Variants in NAV1 observed in about 807,000 individuals in gnomAD.
The protein encoded by NAV1 is pore membrane and/or filament interacting like protein 3.
A neutral mutation model predicts 175.2 loss-of-function variants in NAV1; 18 were observed. The observed-to-expected ratio is 0.10, with a 90% CI of 0.07 to 0.15. NAV1 has a LOEUF of 0.15. NAV1 is among the 10% of genes least tolerant of loss of function. The pLI is 1.00. For synonymous variants in NAV1, 897 were observed against 978.7 expected (o/e 0.92, Z 1.56); for missense variants, 1,731 against 2,436.6 (o/e 0.71, Z 6.10).
intron 2 of NAV1, among the ~76,000 whole-genome samples, chr1:201,630,256 G>T (rs1465729984): frequency 6.6e-6 from 1 of 152,190 alleles, no homozygotes; most frequent in African/African-American, 2.4e-5. Context: ...TTCACACCAG[G>T]GGTACATGAG....
intron 1 of NAV1, among the ~76,000 whole-genome samples, chr1:201,663,816 G>T (rs527327): frequency 1.3e-5 from 2 of 152,066 alleles, no homozygotes; most frequent in Non-Finnish European, 2.9e-5. Context: ...CCATGGGGGA[G>T]ATGGGAAAAA....
At chr1:201,580,399 A>G (rs1049754607) in intron 1 of NAV1, among the ~76,000 whole-genome samples, 4 of 152,228 alleles carry the variant, frequency 2.6e-5, no homozygotes, top group African/African-American at 9.6e-5. Flanking sequence ...GCCCATAAAG[A>G]CAAATAAAAT....
intron 3 of NAV1, among the ~76,000 whole-genome samples, chr1:201,733,058 G>A (rs183716721): frequency 1.3e-5 from 2 of 151,422 alleles, no homozygotes; most frequent in African/African-American, 2.4e-5. Flanking sequence ...GCAACAGAGC[G>A]AGACTCTGTC....
intron 1 of NAV1, among the ~76,000 whole-genome samples, chr1:201,679,748 G>T (rs1454014689): frequency 6.6e-6 from 1 of 152,190 alleles, no homozygotes; most frequent in East Asian, 1.9e-4. Context: ...ACAGGTGTCT[G>T]GTTCCTGGCC....
intron 3 of NAV1, among the ~76,000 whole-genome samples, chr1:201,743,991 T>G (rs1673600742): frequency 6.6e-6 from 1 of 152,304 alleles, no homozygotes; most frequent in East Asian, 1.9e-4. Context: ...TTCAAGCGAT[T>G]CTCCTGCCTC....
At chr1:201,591,639 A>G (rs982065528) in intron 2 of NAV1, among the ~76,000 whole-genome samples, 22 of 152,328 alleles carry the variant, frequency 1.4e-4, no homozygotes, top group African/African-American at 5.3e-4. Context: ...CTCTCTGGGT[A>G]GGAGACCCAT....
chr1:201,581,498 G>A (rs1444939884), intron 1 of NAV1, among the ~76,000 whole-genome samples: 1 of 152,066 alleles, frequency 6.6e-6, no homozygotes, highest in African/African-American at 2.4e-5. Context: ...CCAGAGAGAG[G>A]CAGATTTGAG....
exon 14 of NAV1, chr1:201,793,846 C>A (rs1486310214): frequency 6.2e-7 from 1 of 1,609,558 alleles, no homozygotes; most frequent in Non-Finnish European, 8.5e-7. Flanking sequence ...ATCCCGCCTG[C>A]GACACCTGGC....
chr1:201,589,791 C>T (rs1667135973), intron 2 of NAV1, among the ~76,000 whole-genome samples: 1 of 152,182 alleles, frequency 6.6e-6, no homozygotes, highest in African/African-American at 2.4e-5. Flanking sequence ...CGTGCCCGGC[C>T]TGTTATTTGT....
At chr1:201,556,753 C>T (rs1011284289) in intron 1 of NAV1, among the ~76,000 whole-genome samples, 3 of 152,246 alleles carry the variant, frequency 2.0e-5, no homozygotes, top group Non-Finnish European at 4.4e-5. Context: ...TGCCACCAGT[C>T]CTTGGGGCCC....
intron 1 of NAV1, among the ~76,000 whole-genome samples, chr1:201,547,181 G>T (rs988405265): frequency 1.3e-5 from 2 of 151,988 alleles, no homozygotes; most frequent in African/African-American, 4.8e-5. Flanking sequence ...TAGAGACGGG[G>T]TTTCTCCATG....
chr1:201,746,966 T>C (rs1159467971), intron 3 of NAV1, among the ~76,000 whole-genome samples: 3 of 149,198 alleles, frequency 2.0e-5, no homozygotes, highest in Non-Finnish European at 4.4e-5. Context: ...GTCATGCCAA[T>C]GCACTCCAGC....
In NAV1 at chr1:201,825,152, G is replaced by A. The variant is rs1679602957; in HGVS notation, c.*5220G>A. ...TTGGGTGGAAGTTAGGAGAATGTTT[G>A]TGTCTTTCCTAGTTGAATACAACCT... On this transcript the variant is annotated 3_prime_UTR_variant, in exon 30 of 30. Transcript: ENST00000367296. 3 of 152,238 alleles carry A rather than the reference G, an allele frequency of 2.0e-5. 1 individual carries two copies. The South Asian group carries it at 6.2e-4, about 32-fold the overall frequency. The allele number at this position is 152,238 out of a possible 1,614,324, so 9.4% of individuals were successfully genotyped here.
In NAV1 at chr1:201,730,933, T is replaced by C. The variant is rs193045768; in HGVS notation, c.1226+12178T>C. Among the ~76,000 whole-genome samples the C allele has an allele frequency of 1.5e-3, 233 of 152,248 alleles. 3 individuals carry two copies. The highest frequency in any genetic ancestry group is 5.5e-3 in the African/African-American group (228 of 41,568). On this transcript the variant is annotated intron_variant, in intron 3 of 29. Coordinates refer to ENST00000367296, the Ensembl canonical transcript of NAV1. ...GCAGAGGGACTTACCTACGGAAGTG[T>C]TCAGGGTTGGGGGTCCAAAGATGCT... is the stretch of plus-strand genomic sequence containing the variant.
Position 201,629,331 on chromosome 1 carries a change from T to C in NAV1, c.-100-73T>C, listed in dbSNP as rs1668421921. Reference sequence around the variant, plus strand: ...GAAGAACCAAGTTCTAAGAGGGTTTTCTTAGCCCCATGGAGGGGCTTAGAG... The same window carrying C: ...GAAGAACCAAGTTCTAAGAGGGTTTCCTTAGCCCCATGGAGGGGCTTAGAG... On this transcript the variant is annotated intron_variant, in intron 1 of 29. Transcript: ENST00000367302. 4.6e-6 allele frequency: 5 copies of C among 1,093,808 alleles called. No individual in the cohort carries two copies. The Admixed American group carries it at 1.3e-4, about 29-fold the overall frequency. The allele number at this position is 1,093,808 out of a possible 1,614,324, so 67.8% of individuals were successfully genotyped here. A position where few individuals can be genotyped will look rare whatever the true frequency, so the allele number is the denominator to read the frequency against.
intron 3 of NAV1, among the ~76,000 whole-genome samples, chr1:201,741,094 G>A (rs1455804500): frequency 6.6e-6 from 1 of 152,062 alleles, no homozygotes; most frequent in Non-Finnish European, 1.5e-5. Context: ...ATGCTCCTGC[G>A]TCCTCATATT....
rs774046408 is a variant in NAV1 at position 201,807,766 on chromosome 1, C to T, written c.3649-187C>T. On this transcript the variant is annotated intron_variant, in intron 17 of 29. Transcript: ENST00000367296. The surrounding 1 kb of genome is among the most constrained non-coding windows in gnomAD (Gnocchi z 5.4). Reference sequence around the variant, plus strand: ...CAGCTCACTGCAACCTCTGCCTCCACGGTCCTAATTTCTAGGCAACTCTTC... The same window carrying T: ...CAGCTCACTGCAACCTCTGCCTCCATGGTCCTAATTTCTAGGCAACTCTTC... Among the ~76,000 whole-genome samples the T allele has an allele frequency of 2.6e-5, 4 of 152,054 alleles. No homozygotes were observed. The highest frequency in any genetic ancestry group is 2.0e-4 in the Admixed American group (3 of 15,252).
chr1:201,748,854 A>G (rs1673929890), intron 3 of NAV1, among the ~76,000 whole-genome samples: 1 of 152,152 alleles, frequency 6.6e-6, no homozygotes, highest in Non-Finnish European at 1.5e-5. Context: ...AAGTTGAACT[A>G]AGACTCTCTC....
rs1676432510 is a variant in NAV1, at chr1:201,782,965, A to G, written c.2357+96A>G. ...GGACTAGATGAGGCATGGCCTATCC[A>G]CCGTTGTCTCTAGGCCTTTGCATGG... On this transcript the variant is annotated intron_variant, in intron 6 of 29. Coordinates refer to ENST00000367296, the Ensembl canonical transcript of NAV1. The surrounding 1 kb of genome is among the most constrained non-coding windows in gnomAD (Gnocchi z 5.4). 5 of 1,081,722 alleles carry G rather than the reference A, an allele frequency of 4.6e-6. No individual in the cohort carries two copies. The highest frequency in any genetic ancestry group is 1.6e-5 in the African/African-American group (1 of 62,594). The allele number at this position is 1,081,722 out of a possible 1,614,324, so 67.0% of individuals were successfully genotyped here.
Sources: gnomAD v4.1 joint callset for allele counts (sites outside exome capture counted in the v4.1 genomes callset) on GRCh38, gnomAD v4.1.1 for gene constraint, Gnocchi (gnomAD v3.1) non-coding constraint, MANE v1.5 for transcripts, NCBI Gene and HGNC (gene_info 2026-07-23, HGNC 2026-07-21) for gene names.